The following EYS variants were observed in gnomAD, a reference collection of about 807,000 sequenced individuals.
EYS encodes EGF-like photoreceptor maintenance factor.
A neutral mutation model predicts 282.1 loss-of-function variants in EYS; 250 were observed. That is an observed-to-expected ratio of 0.89 (90% CI 0.80 to 0.98). The LOEUF is 0.98. Among genes scored for constraint, EYS ranks in the 50% least tolerant of loss-of-function variants. The probability of loss-of-function intolerance (pLI) is 0.00; values close to 1 mark genes in which losing one functional copy is unlikely to be tolerated. For synonymous variants in EYS, 1,355 were observed against 1,282.9 expected, an observed-to-expected ratio of 1.06 and a Z score of -1.20; for missense variants, 4,016 against 3,709.0, an observed-to-expected ratio of 1.08 and a Z score of -2.15.
At chr6:63,734,574 G>A (rs1768863145) in intron 41 of EYS, among the ~76,000 whole-genome samples, 1 of 152,056 alleles carries the variant, frequency 6.6e-6, no homozygotes, top group Non-Finnish European at 1.5e-5. Flanking sequence ...AGCAGTGGAG[G>A]TAGTGAAAAG....
At chr6:65,194,843 T>C (rs897594105) in intron 12 of EYS, among the ~76,000 whole-genome samples, 1 of 147,198 alleles carries the variant, frequency 6.8e-6, no homozygotes, top group East Asian at 1.9e-4. Context: ...GAATCTCATG[T>C]TTGCCAGTTG....
rs200934166 is a variant in EYS, at chr6:65,456,974, CAT to C, written c.862+33618_862+33619del. On this transcript the variant is annotated intron_variant, in intron 5 of 42. Coordinates refer to ENST00000503581, the MANE Select transcript of EYS (RefSeq NM_001142800.2). Reference sequence around the variant, plus strand: ...GCTACTTACCATTATCTCCTGAGCACATGAGGGTCAGTATAGAACTTCTTTAC... The same window carrying C: ...GCTACTTACCATTATCTCCTGAGCACGAGGGTCAGTATAGAACTTCTTTAC... Among the ~76,000 whole-genome samples, 1,381 of 151,940 alleles carry C rather than the reference CAT, an allele frequency of 9.1e-3. 17 individuals carry two copies. The highest frequency in any genetic ancestry group is 0.031 in the African/African-American group (1,286 of 41,526).
chr6:64,085,310 C>G (rs1212091353), intron 31 of EYS, among the ~76,000 whole-genome samples: 1 of 136,854 alleles, frequency 7.3e-6, no homozygotes, highest in African/African-American at 3.0e-5. Flanking sequence ...CCTTCTCCTT[C>G]CAGACGCGCG....
intron 33 of EYS, among the ~76,000 whole-genome samples, chr6:64,022,319 C>T (rs552218943): frequency 6.6e-6 from 1 of 152,130 alleles, no homozygotes; most frequent in Non-Finnish European, 1.5e-5. Context: ...ATAATATTTT[C>T]TGTCTAAAAT....
intron 11 of EYS, among the ~76,000 whole-genome samples, chr6:65,326,394 TA>T (rs965671150): frequency 1.1e-4 from 17 of 151,538 alleles, no homozygotes; most frequent in African/African-American, 3.9e-4. Flanking sequence ...AATAAATTCA[TA>T]TAGATAAGTA....
At chr6:64,724,380 C>T (rs186405590) in intron 22 of EYS, among the ~76,000 whole-genome samples, 14 of 152,278 alleles carry the variant, frequency 9.2e-5, no homozygotes, top group African/African-American at 2.4e-4. Flanking sequence ...TAGCTTTCAA[C>T]GTTAAATCAC....
intron 31 of EYS, among the ~76,000 whole-genome samples, chr6:64,121,663 C>T (rs911908071): frequency 1.3e-5 from 2 of 152,186 alleles, no homozygotes; most frequent in Non-Finnish European, 2.9e-5. Flanking sequence ...TCTCCTATCT[C>T]TTAAAATCTT....
At chr6:63,909,059 A>C (rs1216811110) in intron 35 of EYS, among the ~76,000 whole-genome samples, 1 of 152,122 alleles carries the variant, frequency 6.6e-6, no homozygotes, top group East Asian at 1.9e-4. Flanking sequence ...GATATGGAGG[A>C]AATGAGGCTG....
chr6:64,655,223 A>G (rs1768703391), intron 22 of EYS, among the ~76,000 whole-genome samples: 1 of 152,176 alleles, frequency 6.6e-6, no homozygotes, highest in Non-Finnish European at 1.5e-5. Flanking sequence ...CTTTTCTGTT[A>G]CATTAAGACC....
chr6:65,326,941 A>C (rs1582144632), intron 11 of EYS, among the ~76,000 whole-genome samples: 4 of 151,652 alleles, frequency 2.6e-5, no homozygotes. Flanking sequence ...AAGTTTTTTA[A>C]ATCAATTCTT....
intron 22 of EYS, among the ~76,000 whole-genome samples, chr6:64,653,309 A>G (rs1768629550): frequency 6.6e-6 from 1 of 152,156 alleles, no homozygotes; most frequent in Non-Finnish European, 1.5e-5. Flanking sequence ...ATGAAACAAT[A>G]AATTTATTTT....
intron 26 of EYS, among the ~76,000 whole-genome samples, chr6:64,577,341 T>C (rs1229984482): frequency 6.6e-6 from 1 of 152,104 alleles, no homozygotes; most frequent in East Asian, 1.9e-4. Context: ...TCAAATGTCA[T>C]GTCTTCAACA....
chr6:63,762,136 T>TGAA (rs1769658516), intron 41 of EYS, among the ~76,000 whole-genome samples: 1 of 152,076 alleles, frequency 6.6e-6, no homozygotes, highest in Non-Finnish European at 1.5e-5. Flanking sequence ...CTCCCAGAGA[T>TGAA]GAAGTCTTGA....
At chr6:64,646,089 C>G (rs1437192416) in intron 22 of EYS, among the ~76,000 whole-genome samples, 1 of 152,168 alleles carries the variant, frequency 6.6e-6, no homozygotes, top group Non-Finnish European at 1.5e-5. Flanking sequence ...AGGGTAGCTA[C>G]ACTTCTTGTG....
intron 11 of EYS, chr6:65,331,507 G>A: frequency 1.1e-6 from 1 of 943,944 alleles, no homozygotes; most frequent in Non-Finnish European, 1.3e-6. Flanking sequence ...TGCAACATTT[G>A]TTGGGCTCCA....
chr6:64,550,500 A>G (rs182965719), intron 26 of EYS, among the ~76,000 whole-genome samples: 299 of 152,326 alleles, frequency 2.0e-3, no homozygotes, highest in Non-Finnish European at 3.4e-3. Flanking sequence ...ATCCACAGCC[A>G]ATATCATACT....
At chr6:63,906,303 G>A (rs1253132773) in intron 35 of EYS, among the ~76,000 whole-genome samples, 1 of 152,148 alleles carries the variant, frequency 6.6e-6, no homozygotes, top group Non-Finnish European at 1.5e-5. Context: ...GACATTTTAT[G>A]TTTTATCTGA....
At chr6:65,530,487 A>T (rs1767723954) in intron 2 of EYS, among the ~76,000 whole-genome samples, 1 of 152,202 alleles carries the variant, frequency 6.6e-6, no homozygotes, top group Admixed American at 6.5e-5. Flanking sequence ...AGAGTCTAAA[A>T]TATCTATCTA....
intron 40 of EYS, among the ~76,000 whole-genome samples, chr6:63,774,175 T>A (rs1394084912): frequency 2.1e-5 from 3 of 144,128 alleles, no homozygotes; most frequent in Admixed American, 6.8e-5. Flanking sequence ...ACTGCTTTTC[T>A]TTTTTTTTTT....
Sources: allele counts gnomAD v4.1 joint callset (sites outside exome capture counted in the v4.1 genomes callset), GRCh38; gene constraint gnomAD v4.1.1; transcripts MANE v1.5; gene names NCBI Gene and HGNC (gene_info 2026-07-23, HGNC 2026-07-21).